SLCO5A1: variants seen among roughly 807,000 people sequenced by gnomAD.
SLCO5A1 encodes the protein solute carrier organic anion transporter family member 5A1.
Under a neutral mutation model 65.1 loss-of-function variants are expected in SLCO5A1, and 39 were observed. The ratio of observed to expected loss-of-function variants is 0.60; its 90% CI spans 0.46 to 0.78. The LOEUF (loss-of-function observed/expected upper bound fraction) is 0.78. SLCO5A1 is among the 30% of genes least tolerant of loss of function. The pLI is 0.00. For missense variants in SLCO5A1, 1,029 were observed against 1,069.4 expected (o/e 0.96, Z 0.53); for synonymous variants, 438 against 415.7 (o/e 1.05, Z -0.65).
Position 69,670,266 on chromosome 8 carries a change from A to C in SLCO5A1, c.*2603T>G, listed in dbSNP as rs926295055. 5 of 152,222 alleles carry C rather than the reference A, an allele frequency of 3.3e-5. No homozygotes were observed. Among genetic ancestry groups the C allele is most frequent in the African/African-American group, 1.2e-4 (5 of 41,458 alleles). 9.4% of individuals were successfully genotyped at this position (152,222 alleles called of 1,614,324 possible). A position where few individuals can be genotyped will look rare whatever the true frequency, so the allele number is the denominator to read the frequency against. Reference sequence around the variant, plus strand: ...AAAACTTCTAATAGGAGCTGTGACTATAAAGTAATGGGATCAATTTATTAA... The same window carrying C: ...AAAACTTCTAATAGGAGCTGTGACTCTAAAGTAATGGGATCAATTTATTAA... On this transcript the variant is annotated 3_prime_UTR_variant, in exon 10 of 10. Coordinates refer to ENST00000260126, the MANE Select transcript of SLCO5A1 (RefSeq NM_030958.3).
At chr8:69,829,040 G>A (rs201069436) in intron 2 of SLCO5A1, among the ~76,000 whole-genome samples, 1 of 152,200 alleles carries the variant, frequency 6.6e-6, no homozygotes, top group East Asian at 1.9e-4. Context: ...TTTACACAGA[G>A]CCCAGGTATC....
intron 5 of SLCO5A1, chr8:69,713,715 T>G (rs904990627): frequency 6.6e-6 from 1 of 152,208 alleles, no homozygotes; most frequent in African/African-American, 2.4e-5. Context: ...TCATGGTGCA[T>G]CTTGCCAGCA....
intron 5 of SLCO5A1, chr8:69,714,792 C>T (rs1244533063): frequency 6.6e-6 from 1 of 152,198 alleles, no homozygotes; most frequent in Non-Finnish European, 1.5e-5. Context: ...TCCTCTTAGG[C>T]CAGACGGATC....
rs189181047 is a variant in SLCO5A1 at position 69,823,755 on chromosome 8, T to C, written c.907+8012A>G. On this transcript the variant is annotated intron_variant, in intron 2 of 9. Coordinates refer to ENST00000260126, the MANE Select transcript of SLCO5A1 (RefSeq NM_030958.3). The stretch of plus-strand genomic sequence containing the variant: ...TAATAAGGATACCCAGGAATTGAAC[T>C]CAGCTCTGCACCAAGCAGACCGAAT... Among the ~76,000 whole-genome samples, 601 of 152,274 alleles carry C rather than the reference T, an allele frequency of 3.9e-3. 4 individuals carry two copies. The highest frequency in any genetic ancestry group is 0.022 in the South Asian group (108 of 4,814).
chr8:69,818,390 C>T (rs377754910), intron 2 of SLCO5A1, among the ~76,000 whole-genome samples: 28 of 152,302 alleles, frequency 1.8e-4, no homozygotes, highest in African/African-American at 6.3e-4. Context: ...ATATTAGAAA[C>T]ACAAACTTTC....
At chr8:69,756,698 A>G (rs1460132938) in intron 3 of SLCO5A1, among the ~76,000 whole-genome samples, 1 of 152,280 alleles carries the variant, frequency 6.6e-6, no homozygotes, top group Non-Finnish European at 1.5e-5. Flanking sequence ...TATTAGACTC[A>G]GAATTCTGTC....
intron 2 of SLCO5A1, among the ~76,000 whole-genome samples, chr8:69,788,938 A>G (rs887242005): frequency 2.0e-5 from 3 of 152,222 alleles, no homozygotes; most frequent in Non-Finnish European, 4.4e-5. Context: ...AATGCAAGTA[A>G]TTTGGCATGA....
chr8:69,794,616 C>T, intron 2 of SLCO5A1: 1 of 319,482 alleles, frequency 3.1e-6, no homozygotes, highest in East Asian at 8.5e-5. Flanking sequence ...ACAGTTTTTG[C>T]TTTAGCAATT....
chr8:69,697,391 A>G (rs960704376), intron 6 of SLCO5A1, among the ~76,000 whole-genome samples: 9 of 151,662 alleles, frequency 5.9e-5, no homozygotes, highest in African/African-American at 2.2e-4. Context: ...TTCTGTTTCC[A>G]AAAAAAAATT....
intron 7 of SLCO5A1, among the ~76,000 whole-genome samples, chr8:69,681,883 C>T (rs190081747): frequency 3.9e-4 from 59 of 152,180 alleles, no homozygotes; most frequent in African/African-American, 1.4e-3. Context: ...GTCAGAGAAA[C>T]AAATGGCAGG....
intron 2 of SLCO5A1, among the ~76,000 whole-genome samples, chr8:69,828,901 G>C (rs1300996919): frequency 6.6e-6 from 1 of 152,158 alleles, no homozygotes; most frequent in Non-Finnish European, 1.5e-5. Flanking sequence ...CCTTTCGATA[G>C]GGTTCTGCCT....
chr8:69,685,606 A>G (rs1393890577), intron 6 of SLCO5A1, among the ~76,000 whole-genome samples: 3 of 152,304 alleles, frequency 2.0e-5, no homozygotes, highest in East Asian at 3.9e-4. Flanking sequence ...GTGGTCCACA[A>G]TGTAAGCCTG....
intron 5 of SLCO5A1, among the ~76,000 whole-genome samples, chr8:69,709,035 C>A (rs970107858): frequency 6.6e-6 from 1 of 152,168 alleles, no homozygotes; most frequent in African/African-American, 2.4e-5. Context: ...GGACCTCTGA[C>A]AAGAGCAATT....
intron 5 of SLCO5A1, among the ~76,000 whole-genome samples, chr8:69,725,761 G>A (rs965335007): frequency 6.6e-6 from 1 of 152,164 alleles, no homozygotes; most frequent in South Asian, 2.1e-4. Flanking sequence ...GCATATCTTT[G>A]TTGATTGAAC....
In SLCO5A1 at chr8:69,671,830, A is replaced by T. The variant is rs545010738; in HGVS notation, c.*1039T>A. 6.6e-6 allele frequency: 1 copy of T among 152,356 alleles called. No individual in the cohort carries two copies. Among genetic ancestry groups the T allele is most frequent in the East Asian group, 1.9e-4 (1 of 5,190 alleles). The allele number at this position is 152,356 out of a possible 1,614,324, so 9.4% of individuals were successfully genotyped here. On this transcript the variant is annotated 3_prime_UTR_variant, in exon 10 of 10. Coordinates refer to ENST00000260126, the MANE Select transcript of SLCO5A1 (RefSeq NM_030958.3). ...TAAGTGATTTTCATATCCCAGGCAC[A>T]GATTTCCTGATATAAGTATGCATTT...
chr8:69,762,166 C>A (rs1457680901), intron 2 of SLCO5A1, among the ~76,000 whole-genome samples: 1 of 118,498 alleles, frequency 8.4e-6, no homozygotes, highest in East Asian at 2.5e-4. Context: ...TTCTTTCTTT[C>A]TTTCTTTCTT....
intron 2 of SLCO5A1, among the ~76,000 whole-genome samples, chr8:69,797,684 C>T (rs935535840): frequency 9.2e-5 from 14 of 152,204 alleles, no homozygotes; most frequent in Non-Finnish European, 1.5e-4. Flanking sequence ...CCCAGTCTCC[C>T]GTAGCACTCC....
chr8:69,673,221 G>C lies in SLCO5A1; in HGVS notation c.2195C>G (p.Thr732Arg). 1 of 1,614,154 alleles carries C rather than the reference G, an allele frequency of 6.2e-7. No individual in the cohort carries two copies. The highest frequency in any genetic ancestry group is 8.5e-7 in the Non-Finnish European group (1 of 1,180,030). ...VQGSCWEYNV[T>R]SFRFVYFGLA... ...ACCAAAATACACAAAACGAAACGACGTCACGTTGTACTCCCAGCAAGAACC... is the reference window on the plus strand; with the variant it reads ...ACCAAAATACACAAAACGAAACGACCTCACGTTGTACTCCCAGCAAGAACC... The change falls in exon 10 of 10, where the codon ACG (threonine) becomes AGG (arginine). Residue 732 changes from threonine to arginine, a missense_variant. By Grantham distance (71) the Thr-to-Arg change is moderately conservative. Transcript: ENST00000260126.
intron 8 of SLCO5A1, 21 bp from the exon 9 acceptor site, chr8:69,676,694 G>T: frequency 6.2e-7 from 1 of 1,602,722 alleles, no homozygotes; most frequent in South Asian, 1.1e-5. Flanking sequence ...GGGAAAGAAG[G>T]AAATGCATTT....
Sources: allele counts gnomAD v4.1 joint callset (sites outside exome capture counted in the v4.1 genomes callset), GRCh38; gene constraint gnomAD v4.1.1; transcripts MANE v1.5; gene names NCBI Gene and HGNC (gene_info 2026-07-23, HGNC 2026-07-21).